The following NPAS3 variants were observed in gnomAD, a reference collection of about 807,000 sequenced individuals.
NPAS3 encodes the protein neuronal PAS domain-containing protein 3.
Under a neutral mutation model 73.1 loss-of-function variants are expected in NPAS3, and 14 were observed. That is an observed-to-expected ratio of 0.19 (90% CI 0.13 to 0.30). NPAS3 has a LOEUF of 0.30. NPAS3 is among the 10% of genes least tolerant of loss of function. The pLI is 1.00. For missense variants in NPAS3, 1,096 were observed against 1,250.0 expected (o/e 0.88, Z 1.86); for synonymous variants, 620 against 541.5 (o/e 1.14, Z -2.01).
chr14:33,763,439 A>G (rs1159997059), intron 7 of NPAS3, among the ~76,000 whole-genome samples: 3 of 152,192 alleles, frequency 2.0e-5, no homozygotes. Context: ...TAAGAAGAGA[A>G]TGGAGATAGA....
intron 3 of NPAS3, among the ~76,000 whole-genome samples, chr14:33,259,720 A>G (rs1297101510): frequency 6.6e-6 from 1 of 152,212 alleles, no homozygotes; most frequent in East Asian, 1.9e-4. Flanking sequence ...AAGGGCATGA[A>G]CCCTTGTCTA....
intron 4 of NPAS3, among the ~76,000 whole-genome samples, chr14:33,452,973 A>G (rs182661344): frequency 9.9e-5 from 15 of 152,222 alleles, no homozygotes; most frequent in Admixed American, 8.5e-4. Context: ...AAAGGAAATT[A>G]GGTATCCGAG....
chr14:33,509,329 G>T (rs2052927057), intron 4 of NPAS3, among the ~76,000 whole-genome samples: 1 of 151,960 alleles, frequency 6.6e-6, no homozygotes, highest in Non-Finnish European at 1.5e-5. Flanking sequence ...TAAAGGAGTT[G>T]AGCAAATATT....
rs75064562 is a variant in NPAS3 at position 33,510,642 on chromosome 14, T to G, written c.469-49479T>G. Among the ~76,000 whole-genome samples, 1,187 of 152,192 alleles carry G rather than the reference T, an allele frequency of 7.8e-3. 17 individuals are homozygous for G. The highest frequency in any genetic ancestry group is 0.028 in the African/African-American group (1,146 of 41,562). On this transcript the variant is annotated intron_variant, in intron 4 of 11. Transcript: ENST00000356141. ...AGCCATGGATGAGGAAAGAAAAGTT[T>G]GCATTTTCTGCGTGTTGGAAGATTT...
intron 4 of NPAS3, among the ~76,000 whole-genome samples, chr14:33,554,276 C>G (rs1566998037): frequency 6.6e-6 from 1 of 152,212 alleles, no homozygotes; most frequent in Non-Finnish European, 1.5e-5. Flanking sequence ...AATTCAGGCT[C>G]TGCCGTTGTC....
chr14:33,367,200 C>A (rs778867654), exon 4 of NPAS3: 4 of 863,064 alleles, frequency 4.6e-6, no homozygotes, highest in African/African-American at 1.6e-5. Flanking sequence ...AGGTGCACAG[C>A]GAAGGAGAAG....
intron 1 of NPAS3, among the ~76,000 whole-genome samples, chr14:33,050,704 G>A (rs950324824): frequency 6.6e-6 from 1 of 152,194 alleles, no homozygotes; most frequent in Admixed American, 6.5e-5. Context: ...CACAGTGAAA[G>A]TCTTAAAAGA....
exon 12 of NPAS3, chr14:33,799,762 G>A: frequency 6.3e-7 from 1 of 1,593,200 alleles, no homozygotes. Flanking sequence ...AGTCCGACGA[G>A]AAGGGGAACC....
At chr14:33,793,385 G>A (rs888470251) in intron 9 of NPAS3, among the ~76,000 whole-genome samples, 4 of 152,186 alleles carry the variant, frequency 2.6e-5, no homozygotes, top group Admixed American at 2.6e-4. Flanking sequence ...AATTCTGTTA[G>A]ACAAGATCAA....
At chr14:33,483,635 A>G (rs1346616931) in intron 4 of NPAS3, among the ~76,000 whole-genome samples, 2 of 152,166 alleles carry the variant, frequency 1.3e-5, no homozygotes, top group Non-Finnish European at 2.9e-5. Flanking sequence ...GTGAACTGTC[A>G]TGTCATAGGG....
At chr14:32,936,304 GT>G (rs34612468), upstream of NPAS3, among the ~76,000 whole-genome samples, 49,944 of 145,174 alleles carry the variant, frequency 0.34, 8,534 homozygotes, top group African/African-American at 0.4. Context: ...ACTGTCTGAA[GT>G]TTTTTTTTTT....
intron 1 of NPAS3, among the ~76,000 whole-genome samples, chr14:32,974,254 G>C (rs1225750751): frequency 6.6e-6 from 1 of 152,180 alleles, no homozygotes; most frequent in Non-Finnish European, 1.5e-5. Flanking sequence ...ACTGTGCTGA[G>C]TGCTCTGTGA....
chr14:33,174,844 C>A (rs115217569), intron 2 of NPAS3, among the ~76,000 whole-genome samples: 1 of 152,110 alleles, frequency 6.6e-6, no homozygotes, highest in Non-Finnish European at 1.5e-5. Flanking sequence ...GAGCTAGCAG[C>A]GATGGCGGGA....
At chr14:33,563,464 A>G (rs1358087625) in intron 5 of NPAS3, among the ~76,000 whole-genome samples, 2 of 150,514 alleles carry the variant, frequency 1.3e-5, no homozygotes, top group African/African-American at 2.4e-5. Context: ...GTGAATGATG[A>G]TGATTTCTGA....
At chr14:33,747,409 G>A (rs2061838848) in intron 7 of NPAS3, among the ~76,000 whole-genome samples, 1 of 152,232 alleles carries the variant, frequency 6.6e-6, no homozygotes, top group African/African-American at 2.4e-5. Flanking sequence ...ATCTGGAGCT[G>A]ATAGCTCCGT....
At chr14:33,299,840 A>G (rs1190606003) in intron 3 of NPAS3, among the ~76,000 whole-genome samples, 4 of 152,222 alleles carry the variant, frequency 2.6e-5, no homozygotes, top group Admixed American at 6.5e-5. Flanking sequence ...ATGAATTATT[A>G]TAGCAGTTAG....
intron 2 of NPAS3, among the ~76,000 whole-genome samples, chr14:33,107,224 T>C (rs1359009780): frequency 1.3e-5 from 2 of 152,196 alleles, no homozygotes; most frequent in East Asian, 1.9e-4. Flanking sequence ...CTTTATGCTC[T>C]GTAAAAAAAT....
intron 1 of NPAS3, among the ~76,000 whole-genome samples, chr14:33,032,556 T>C (rs1412006200): frequency 1.3e-5 from 2 of 152,190 alleles, no homozygotes; most frequent in Non-Finnish European, 2.9e-5. Flanking sequence ...GCTGAAGTCC[T>C]GGCCAGGGAA....
Position 33,783,334 on chromosome 14 carries a change from C to T in NPAS3, c.1153+4762C>T, listed in dbSNP as rs184368536. Among the ~76,000 whole-genome samples, 59 of 152,240 alleles carry T rather than the reference C, an allele frequency of 3.9e-4. 1 individual carries two copies. The highest frequency in any genetic ancestry group is 3.6e-3 in the Admixed American group (55 of 15,304). On this transcript the variant is annotated intron_variant, in intron 9 of 11. Coordinates refer to ENST00000356141, the Ensembl canonical transcript of NPAS3. The stretch of plus-strand genomic sequence containing the variant: ...CAGCCTTTCTTCAGGGGTGGGTCTT[C>T]AGGGATTTAGCTGCAACCTGGTCAT...
Sources: allele counts gnomAD v4.1 joint callset (sites outside exome capture counted in the v4.1 genomes callset), GRCh38; gene constraint gnomAD v4.1.1; transcripts MANE v1.5; gene names NCBI Gene and HGNC (gene_info 2026-07-23, HGNC 2026-07-21).